QDPR: variants seen among roughly 807,000 people sequenced by gnomAD.
QDPR encodes the protein dihydropteridine reductase.
In QDPR, 23 loss-of-function variants were observed where a neutral mutation model predicts 31.7. That is an observed-to-expected ratio of 0.73 (90% CI 0.52 to 1.03). The LOEUF (loss-of-function observed/expected upper bound fraction) is 1.03, where lower values mean the gene tolerates loss of function less well. Ranked by LOEUF, QDPR falls within the 50% of genes least tolerant of loss-of-function variation. The probability of loss-of-function intolerance (pLI) is 0.00; values close to 1 mark genes in which losing one functional copy is unlikely to be tolerated. For synonymous variants in QDPR, 124 were observed against 124.7 expected, an observed-to-expected ratio of 0.99 and a Z score of 0.03; for missense variants, 324 against 323.8, an observed-to-expected ratio of 1.00 and a Z score of 0.00.
At chr4:17,506,442 TA>T (rs1404778131) in intron 2 of QDPR, among the ~76,000 whole-genome samples, 2 of 152,226 alleles carry the variant, frequency 1.3e-5, no homozygotes, top group Non-Finnish European at 2.9e-5. Flanking sequence ...TTTTGGCCTT[TA>T]TTACTTTATT....
intron 3 of QDPR, 46 bp downstream of exon 3, chr4:17,504,333 A>G: frequency 1.3e-6 from 2 of 1,550,000 alleles, no homozygotes; most frequent in Non-Finnish European, 1.8e-6. Flanking sequence ...TGTCAGCTGG[A>G]AAAAGAGCAG....
chr4:17,500,249 G>A (rs1337254535), intron 4 of QDPR, among the ~76,000 whole-genome samples: 2 of 149,866 alleles, frequency 1.3e-5, no homozygotes, highest in Non-Finnish European at 3.0e-5. Context: ...CACTGCACCC[G>A]GCCAAAAGCT....
chr4:17,497,161 G>A (rs895727471), intron 4 of QDPR, among the ~76,000 whole-genome samples: 2 of 152,278 alleles, frequency 1.3e-5, no homozygotes, highest in African/African-American at 2.4e-5. Flanking sequence ...TTGGGCCTGG[G>A]AGGGAGTGCC....
chr4:17,503,100 G>C (rs138517756), intron 3 of QDPR, among the ~76,000 whole-genome samples: 1 of 152,128 alleles, frequency 6.6e-6, no homozygotes, highest in Non-Finnish European at 1.5e-5. Flanking sequence ...TCCAGTTCAC[G>C]GGGAATACCA....
chr4:17,495,239 C>T (rs1269810321), intron 4 of QDPR, among the ~76,000 whole-genome samples: 1 of 152,168 alleles, frequency 6.6e-6, no homozygotes, highest in Non-Finnish European at 1.5e-5. Context: ...AACCAACCTG[C>T]CATCACTCTG....
In QDPR at chr4:17,487,381, G is replaced by A. The variant is rs538424967; in HGVS notation, c.630-145C>T. On this transcript the variant is annotated intron_variant, in intron 6 of 6. Coordinates refer to ENST00000281243, the MANE Select transcript of QDPR (RefSeq NM_000320.3). ...AAAGCCACTAAGGGCTGGGCGCCAT[G>A]GCTCACACCTGTGATCCCAGCACTT... 5.7e-4 allele frequency: 388 copies of A among 682,154 alleles called. 5 individuals are homozygous for A. Among genetic ancestry groups the A allele is most frequent in the South Asian group, 5.2e-3 (324 of 61,934 alleles). The allele number at this position is 682,154 out of a possible 1,614,324, so 42.3% of individuals were successfully genotyped here.
intron 4 of QDPR, among the ~76,000 whole-genome samples, chr4:17,495,988 G>T (rs1159965413): frequency 1.3e-5 from 2 of 151,904 alleles, no homozygotes; most frequent in African/African-American, 2.4e-5. Context: ...TCCAGCCTGG[G>T]TGACAGAGCC....
chr4:17,492,371 C>T (rs1338240963), intron 4 of QDPR, 31 bp from the exon 5 acceptor site: 3 of 1,554,350 alleles, frequency 1.9e-6, no homozygotes, highest in Non-Finnish European at 2.7e-6. Context: ...GGCTCAGTGA[C>T]CACTGGCGGC....
rs530083377 is a variant in QDPR, at chr4:17,488,305, A to G, written c.630-1069T>C. Among the ~76,000 whole-genome samples, 4 of 152,310 alleles carry G rather than the reference A, an allele frequency of 2.6e-5. No homozygotes were observed. In the East Asian group the frequency reaches 7.7e-4, roughly 29 times the overall value. On this transcript the variant is annotated intron_variant, in intron 6 of 6. Transcript: ENST00000281243. ...TTTAAAGATTTTAATTAGTTCATTC[A>G]AAGAGAGAGACACATGCACAATACT...
intron 4 of QDPR, among the ~76,000 whole-genome samples, chr4:17,500,731 C>T (rs908386085): frequency 1.2e-4 from 19 of 152,272 alleles, no homozygotes; most frequent in African/African-American, 4.3e-4. Context: ...CCCAAACAAA[C>T]TAATACAGGT....
At chr4:17,500,222 G>T (rs1188802186) in intron 4 of QDPR, among the ~76,000 whole-genome samples, 2 of 152,026 alleles carry the variant, frequency 1.3e-5, no homozygotes, top group African/African-American at 4.8e-5. Context: ...CAAAGTTCTG[G>T]GATTACAGGT....
intron 1 of QDPR, 44 bp downstream of exon 1, chr4:17,511,906 G>C: frequency 1.3e-6 from 2 of 1,577,970 alleles, no homozygotes; most frequent in Non-Finnish European, 8.6e-7. Flanking sequence ...GAAAGCCCCC[G>C]GCCACCCCCG....
At chr4:17,487,376 G>A (rs1336114693) in intron 6 of QDPR, 140 bp from the exon 7 acceptor site, 5 of 704,346 alleles carry the variant, frequency 7.1e-6, no homozygotes, top group Admixed American at 2.1e-5. Flanking sequence ...AGGGCTGGGC[G>A]CCATGGCTCA....
At chr4:17,507,906 G>A (rs567322696) in intron 2 of QDPR, among the ~76,000 whole-genome samples, 2 of 152,004 alleles carry the variant, frequency 1.3e-5, no homozygotes, top group Admixed American at 1.3e-4. Flanking sequence ...CCAGCCTAGA[G>A]CATCTAAGAT....
chr4:17,504,526 G>C (rs779867089), intron 2 of QDPR, 51 bp from the exon 3 acceptor site: 7 of 1,422,510 alleles, frequency 4.9e-6, no homozygotes, highest in Non-Finnish European at 7.0e-6. Context: ...AGCCAACACA[G>C]GCTAGCATCT....
chr4:17,496,379 C>T (rs907506151), intron 4 of QDPR, among the ~76,000 whole-genome samples: 2 of 130,800 alleles, frequency 1.5e-5, no homozygotes, highest in Non-Finnish European at 3.1e-5. Flanking sequence ...AGGAGTCAGA[C>T]GTTGCGGTGA....
chr4:17,499,042 G>A (rs1041409954), intron 4 of QDPR, among the ~76,000 whole-genome samples: 1 of 152,168 alleles, frequency 6.6e-6, no homozygotes, highest in Non-Finnish European at 1.5e-5. Context: ...AAATAAGCCT[G>A]GAGTAAATAA....
intron 3 of QDPR, among the ~76,000 whole-genome samples, chr4:17,503,689 C>T (rs553283487): frequency 6.6e-6 from 1 of 152,326 alleles, no homozygotes; most frequent in Non-Finnish European, 1.5e-5. Context: ...CTGGCTCACG[C>T]CCGTAACCCC....
At chr4:17,499,678 G>C (rs780291530) in intron 4 of QDPR, among the ~76,000 whole-genome samples, 1 of 152,176 alleles carries the variant, frequency 6.6e-6, no homozygotes, top group Non-Finnish European at 1.5e-5. Flanking sequence ...TCAGTGCTCC[G>C]GGAGGCCAAG....
Sources: gnomAD v4.1 joint callset for allele counts (sites outside exome capture counted in the v4.1 genomes callset) on GRCh38, gnomAD v4.1.1 for gene constraint, MANE v1.5 for transcripts, NCBI Gene and HGNC (gene_info 2026-07-23, HGNC 2026-07-21) for gene names.